The following NFIB variants were observed in gnomAD, a reference collection of about 807,000 sequenced individuals.
NFIB encodes the protein nuclear factor I B.
A neutral mutation model predicts 61.5 loss-of-function variants in NFIB; 11 were observed. The observed-to-expected ratio is 0.18, with a 90% CI of 0.11 to 0.30. The LOEUF (loss-of-function observed/expected upper bound fraction) is 0.30. NFIB is among the 10% of genes least tolerant of loss of function. The probability of loss-of-function intolerance (pLI) is 1.00; values close to 1 mark genes in which losing one functional copy is unlikely to be tolerated. For missense variants in NFIB, 471 were observed against 608.9 expected (o/e 0.77, Z 2.38); for synonymous variants, 260 against 216.5 (o/e 1.20, Z -1.76).
intron 8 of NFIB, among the ~76,000 whole-genome samples, chr9:14,119,549 C>A (rs2038646250): frequency 1.3e-5 from 2 of 152,090 alleles, no homozygotes; most frequent in African/African-American, 4.8e-5. Context: ...ACACTATTTA[C>A]TAGCATTTCA....
chr9:14,404,114 ATAC>A, the NFIB span, among the ~76,000 whole-genome samples: 4 of 152,170 alleles, frequency 2.6e-5, no homozygotes, highest in Non-Finnish European at 5.9e-5. Context: ...AATTAAAAGA[ATAC>A]TTCTATAGTC....
chr9:14,247,489 A>C (rs10961450), intron 2 of NFIB, among the ~76,000 whole-genome samples: 25,473 of 152,206 alleles, frequency 0.17, 2,389 homozygotes, highest in Non-Finnish European at 0.2. Context: ...AAAATGTGCC[A>C]GTCATGGAGG....
intron 2 of NFIB, among the ~76,000 whole-genome samples, chr9:14,226,669 T>A (rs972595449): frequency 1.3e-5 from 2 of 152,158 alleles, no homozygotes; most frequent in Non-Finnish European, 2.9e-5. Flanking sequence ...AATCACATTT[T>A]AAAAATAAAT....
At chr9:14,370,139 C>T (rs1008893742) in intron 1 of NFIB, among the ~76,000 whole-genome samples, 2 of 152,208 alleles carry the variant, frequency 1.3e-5, no homozygotes, top group African/African-American at 4.8e-5. Flanking sequence ...CCTAGAATAA[C>T]CTTCACCTCC....
intron 6 of NFIB, among the ~76,000 whole-genome samples, chr9:14,127,481 C>T (rs903852151): frequency 1.3e-5 from 2 of 152,176 alleles, no homozygotes; most frequent in African/African-American, 4.8e-5. Context: ...CTTTCTCTCC[C>T]TGTGGTACTT....
At chr9:14,467,476 C>A in the NFIB span, among the ~76,000 whole-genome samples, 6 of 152,154 alleles carry the variant, frequency 3.9e-5, no homozygotes, top group Admixed American at 6.5e-5. Flanking sequence ...GGGCTGCCAA[C>A]TAAGCCACCT....
At chr9:14,451,945 T>C in the NFIB span, among the ~76,000 whole-genome samples, 3,669 of 152,262 alleles carry the variant, frequency 0.024, 158 homozygotes, top group African/African-American at 0.083. Context: ...ATAATATCTT[T>C]ATGGTACTCA....
chr9:14,502,463 A>C, the NFIB span, among the ~76,000 whole-genome samples: 2 of 152,354 alleles, frequency 1.3e-5, no homozygotes, highest in South Asian at 2.1e-4. Flanking sequence ...CAGGAAATCT[A>C]ATAGTGCATT....
In NFIB at chr9:14,313,783, A is replaced by T. The variant is rs2060404612; in HGVS notation, c.-272T>A. On this transcript the variant is annotated 5_prime_UTR_variant, in exon 1 of 11. Coordinates refer to ENST00000380953, the MANE Select transcript of NFIB (RefSeq NM_001190737.2). This position sits in a 1 kb window ranked among gnomAD's most constrained non-coding sequence, Gnocchi z 4.5. The stretch of plus-strand genomic sequence containing the variant: ...CCGAGCGCGCTGGCCGTGCTTGCCG[A>T]GGCCGCCGCCGCCGCCGGTGTTGGC... 7.5e-7 allele frequency: 1 copy of T among 1,341,096 alleles called. No individual in the cohort carries two copies. Among genetic ancestry groups the T allele is most frequent in the Non-Finnish European group, 9.6e-7 (1 of 1,046,956 alleles). 83.1% of individuals were successfully genotyped at this position (1,341,096 alleles called of 1,614,324 possible).
Position 14,313,584 on chromosome 9 carries a change from A to G in NFIB, c.-73T>C. The G allele has an allele frequency of 6.2e-7, 1 of 1,610,706 alleles. No individual in the cohort carries two copies. Among genetic ancestry groups the G allele is most frequent in the Non-Finnish European group, 8.5e-7 (1 of 1,178,366 alleles). ...CGAGAAGCAAGAATTTCATCTATTC[A>G]TTTTACAGTCATCTGAGCCCCGCGA... On this transcript the variant is annotated 5_prime_UTR_variant, in exon 1 of 11. The change abolishes an upstream ATG in the 5' untranslated region. Transcript: ENST00000380953. The surrounding 1 kb of genome is among the most constrained non-coding windows in gnomAD (Gnocchi z 4.5).
chr9:14,488,971 TG>T, the NFIB span, among the ~76,000 whole-genome samples: 2 of 152,214 alleles, frequency 1.3e-5, no homozygotes, highest in African/African-American at 4.8e-5. Flanking sequence ...TTTCCTCATT[TG>T]AAAATGACAT....
chr9:14,222,845 G>A (rs930249627), intron 2 of NFIB, among the ~76,000 whole-genome samples: 1 of 149,774 alleles, frequency 6.7e-6, no homozygotes, highest in Non-Finnish European at 1.5e-5. Context: ...CGTATTCCTT[G>A]CAGACCAGCT....
chr9:14,251,734 T>G (rs1162649501), intron 2 of NFIB, among the ~76,000 whole-genome samples: 1 of 152,192 alleles, frequency 6.6e-6, no homozygotes, highest in East Asian at 1.9e-4. Context: ...ACCCAAATCC[T>G]GCACGGGCAT....
the NFIB span, among the ~76,000 whole-genome samples, chr9:14,489,214 C>A: frequency 6.6e-6 from 1 of 152,028 alleles, no homozygotes; most frequent in East Asian, 1.9e-4. Context: ...GGGTTATAAG[C>A]AAAAGTAGTT....
At chr9:14,158,573 T>C (rs1336509859) in intron 3 of NFIB, among the ~76,000 whole-genome samples, 6 of 152,228 alleles carry the variant, frequency 3.9e-5, no homozygotes, top group African/African-American at 1.4e-4. Context: ...TCGTTGCCTA[T>C]ATATAGAGTA....
chr9:14,488,995 T>C, the NFIB span, among the ~76,000 whole-genome samples: 1 of 152,206 alleles, frequency 6.6e-6, no homozygotes, highest in Non-Finnish European at 1.5e-5. Context: ...CAGCTGTCTC[T>C]TGAAATTGTG....
At chr9:14,249,886 A>T (rs1430994814) in intron 2 of NFIB, among the ~76,000 whole-genome samples, 3 of 152,182 alleles carry the variant, frequency 2.0e-5, no homozygotes, top group African/African-American at 7.2e-5. Context: ...GGATAAATAG[A>T]GGAATTCCGG....
chr9:14,526,971 G>A, the NFIB span, among the ~76,000 whole-genome samples: 8 of 152,212 alleles, frequency 5.3e-5, no homozygotes, highest in African/African-American at 1.9e-4. Context: ...AGGATCTAAG[G>A]ATACTTTTCT....
intron 10 of NFIB, among the ~76,000 whole-genome samples, chr9:14,107,239 C>T (rs747475322): frequency 1.3e-4 from 19 of 151,620 alleles, no homozygotes; most frequent in Non-Finnish European, 2.5e-4. Context: ...TAGCATGTAA[C>T]CTCTGAAGGA....
Sources: allele counts gnomAD v4.1 joint callset (sites outside exome capture counted in the v4.1 genomes callset), GRCh38; gene constraint gnomAD v4.1.1; non-coding constraint Gnocchi (gnomAD v3.1); transcripts MANE v1.5; gene names NCBI Gene and HGNC (gene_info 2026-07-23, HGNC 2026-07-21).